NLRP6: variants seen among roughly 807,000 people sequenced by gnomAD.
The protein encoded by NLRP6 is NLR family pyrin domain containing 6, also known as NACHT, LRR and PYD domains-containing protein 6.
A neutral mutation model predicts 70.9 loss-of-function variants in NLRP6; 55 were observed. That is an observed-to-expected ratio of 0.78 (90% confidence interval 0.62 to 0.97). The LOEUF is 0.97. NLRP6 is among the 50% of genes least tolerant of loss of function. The pLI is 0.00. For synonymous variants in NLRP6, 652 were observed against 581.9 expected (o/e 1.12, Z -1.73); for missense variants, 1,241 against 1,238.3 (o/e 1.00, Z -0.03).
chr11:279,445 A>C lies in NLRP6; in HGVS notation c.148A>C (p.Ser50Arg). ...GCGCGACGTGGGCCCGGACGGACGC[A>C]GCATCCCGTGGGGGCGGCTGGAGCG... ...KLRDVGPDGR[S>R]IPWGRLERAD... The change falls in exon 2 of 8, where the codon AGC becomes CGC. Residue 50 changes from serine to arginine, a missense_variant. By Grantham distance (110) the Ser-to-Arg change is moderately radical. Coordinates refer to ENST00000534750, the MANE Select transcript of NLRP6 (RefSeq NM_001276700.2). 2 of 1,395,702 alleles carry C rather than the reference A, an allele frequency of 1.4e-6. No homozygotes were observed. The highest frequency in any genetic ancestry group is 1.9e-6 in the Non-Finnish European group (2 of 1,077,602). 86.5% of individuals were successfully genotyped at this position (1,395,702 alleles called of 1,614,324 possible).
intron 1 of NLRP6, 167 bp from the exon 2 acceptor site, chr11:279,160 G>A: frequency 1.8e-6 from 1 of 541,624 alleles, no homozygotes; most frequent in Non-Finnish European, 2.8e-6. Context: ...GGAAAAGTCT[G>A]GGGTCACTCC....
At chr11:284,715 TC>T (rs1031835810) in intron 7 of NLRP6, 73 bp downstream of exon 7, 97 of 1,426,568 alleles carry the variant, frequency 6.8e-5, no homozygotes, top group Non-Finnish European at 8.7e-5. Flanking sequence ...GCCTGGGGGC[TC>T]CCCCTGGACC....
rs148506980 is a variant in NLRP6, at chr11:284,296, C to A, written c.2265C>A (p.Pro755=). The A allele has an allele frequency of 2.8e-5, 45 of 1,612,618 alleles. No homozygotes were observed. Among genetic ancestry groups the A allele is most frequent in the Non-Finnish European group, 5.9e-6 (7 of 1,179,910 alleles). Residue 755 remains proline (P), a synonymous_variant, in exon 6 of 8, where the codon CCC becomes CCA. Coordinates refer to ENST00000534750, the MANE Select transcript of NLRP6 (RefSeq NM_001276700.2). The part of the protein sequence containing the change: ...RDLSEALRAA[P]ALTELGLLHN... ...TTTCTGAGGCCCTGAGGGCAGCCCCCGCACTGACGGAGCTGGGCCTCCTCC... is the reference window on the plus strand; with the variant it reads ...TTTCTGAGGCCCTGAGGGCAGCCCCAGCACTGACGGAGCTGGGCCTCCTCC...
intron 5 of NLRP6, among the ~76,000 whole-genome samples, chr11:283,917 T>C (rs1239602642): frequency 6.6e-6 from 1 of 151,278 alleles, no homozygotes; most frequent in African/African-American, 2.4e-5. Context: ...ACCCAACCAT[T>C]AGGGAATAGC....
intron 5 of NLRP6, among the ~76,000 whole-genome samples, chr11:283,300 C>T (rs1010018386): frequency 6.8e-6 from 1 of 147,852 alleles, no homozygotes; most frequent in African/African-American, 2.5e-5. Context: ...TGTGGCTACA[C>T]ATGTACAGTT....
Position 280,868 on chromosome 11 carries a change from C to G in NLRP6, c.1134C>G (p.Asn378Lys). 1 of 1,613,452 alleles carries G rather than the reference C, an allele frequency of 6.2e-7. No homozygotes were observed. Among genetic ancestry groups the G allele is most frequent in the African/African-American group, 1.3e-5 (1 of 75,070 alleles). ...AERAYRFVKE[N>K]ETLFALCFVP... The stretch of plus-strand genomic sequence containing the variant: ...GCGCCTACCGCTTCGTGAAGGAGAA[C>G]GAGACGCTGTTCGCGCTGTGCTTCG... The change falls in exon 4 of 8, where the codon AAC becomes AAG. Residue 378 changes from asparagine (N) to lysine (K), a missense_variant. Physicochemically the swap from Asn to Lys is moderately conservative, Grantham distance 94. Coordinates refer to ENST00000534750, the MANE Select transcript of NLRP6 (RefSeq NM_001276700.2).
chr11:279,296 TC>T, intron 1 of NLRP6, 30 bp from the exon 2 acceptor site: 3 of 1,134,418 alleles, frequency 2.6e-6, no homozygotes, highest in Non-Finnish European at 2.2e-6. Context: ...CGAGGGCCGC[TC>T]CCCGATGACC....
chr11:281,438 A>G lies in NLRP6; in HGVS notation c.1704A>G (p.Ser568=), dbSNP rs1459610943. Residue 568 remains serine, a synonymous_variant, in exon 4 of 8, where the codon TCA becomes TCG. Transcript: ENST00000534750. ...DIERHFGCMV[S]ERVKQEALRW... Reference sequence around the variant, plus strand: ...AGCGCCACTTCGGCTGCATGGTTTCAGAGCGTGTGAAGCAGGAGGCCCTGC... The same window carrying G: ...AGCGCCACTTCGGCTGCATGGTTTCGGAGCGTGTGAAGCAGGAGGCCCTGC... 1.2e-6 allele frequency: 2 copies of G among 1,604,730 alleles called. No homozygotes were observed. The highest frequency in any genetic ancestry group is 1.7e-6 in the Non-Finnish European group (2 of 1,175,212).
In NLRP6 at chr11:280,743, C is replaced by T. The variant is rs775919638; in HGVS notation, c.1009C>T (p.Arg337Cys). 6.2e-7 allele frequency: 1 copy of T among 1,602,312 alleles called. No individual in the cohort carries two copies. Among genetic ancestry groups the T allele is most frequent in the East Asian group, 2.2e-5 (1 of 44,854 alleles). ...CGCCGCCCCCGGGAGGCTGCAGGGC[C>T]GCCTGTGTTCCCCGCAGTGCGCCGA... is the stretch of plus-strand genomic sequence containing the variant. ...RAAAPGRLQGRLCSPQCAEVR... is the reference protein window; with the variant it reads ...RAAAPGRLQGCLCSPQCAEVR... The change falls in exon 4 of 8, where the codon CGC becomes TGC. Residue 337 changes from arginine (R) to cysteine (C), a missense_variant. Transcript: ENST00000534750.
intron 7 of NLRP6, 109 bp from the exon 8 acceptor site, chr11:285,057 G>A (rs919151360): frequency 1.2e-4 from 109 of 942,060 alleles, no homozygotes; most frequent in African/African-American, 2.5e-4. Flanking sequence ...CCACCCCCAC[G>A]GCACTGCCCG....
chr11:284,502 G>A lies in NLRP6; in HGVS notation c.2397G>A (p.Gly799=). 1 of 1,612,912 alleles carries A rather than the reference G, an allele frequency of 6.2e-7. No homozygotes were observed. The highest frequency in any genetic ancestry group is 8.5e-7 in the Non-Finnish European group (1 of 1,179,786). ...VRVQLPDPQR[G]LQYLVGMLRQ... is the part of the protein sequence containing the mutation. ...TACAGCTGCCTGACCCCCAGCGAGG[G>A]CTCCAGTACCTGGTGGGTATGCTTC... is the stretch of plus-strand genomic sequence containing the variant. Residue 799 remains glycine (G), a synonymous_variant, in exon 7 of 8, where the codon GGG becomes GGA. Transcript: ENST00000534750.
In NLRP6 at chr11:285,211, G is replaced by T; in HGVS notation, c.2583G>T (p.Gln861His). The T allele has an allele frequency of 6.3e-7, 1 of 1,599,528 alleles. No homozygotes were observed. The highest frequency in any genetic ancestry group is 8.5e-7 in the Non-Finnish European group (1 of 1,172,492). ...ELSEQSLQELQAVKRAKPDLV... is the reference protein window; with the variant it reads ...ELSEQSLQELHAVKRAKPDLV... ...GCGAGCAGTCACTACAGGAGCTTCA[G>T]GCTGTGAAGAGAGCAAAGCCGGATC... Residue 861 changes from glutamine (Q) to histidine (H), a missense_variant, in exon 8 of 8, where the codon CAG becomes CAT. Coordinates refer to ENST00000534750, the MANE Select transcript of NLRP6 (RefSeq NM_001276700.2).
chr11:279,393 G>A lies in NLRP6; in HGVS notation c.96G>A (p.Glu32=). Residue 32 remains glutamate, a synonymous_variant, in exon 2 of 8, where the codon GAG becomes GAA. Coordinates refer to ENST00000534750, the MANE Select transcript of NLRP6 (RefSeq NM_001276700.2). The part of the protein sequence containing the change: ...LLAALEELSQ[E]QLKRFRHKLR... ...CTGCGCTGGAGGAACTGAGCCAAGA[G>A]CAGCTGAAGCGCTTCCGCCACAAGC... 1 of 1,343,884 alleles carries A rather than the reference G, an allele frequency of 7.4e-7. No homozygotes were observed. The highest frequency in any genetic ancestry group is 9.5e-7 in the Non-Finnish European group (1 of 1,049,438). The allele number at this position is 1,343,884 out of a possible 1,614,324, so 83.2% of individuals were successfully genotyped here. A position where few individuals can be genotyped will look rare whatever the true frequency, so the allele number is the denominator to read the frequency against.
chr11:282,061 T>C (rs1024436746), intron 4 of NLRP6, among the ~76,000 whole-genome samples: 2 of 152,174 alleles, frequency 1.3e-5, no homozygotes, highest in Non-Finnish European at 2.9e-5. Context: ...CCACAACCTA[T>C]GAAAACTTCC....
intron 1 of NLRP6, 31 bp from the exon 2 acceptor site, chr11:279,296 T>A: frequency 1.8e-6 from 2 of 1,134,366 alleles, no homozygotes; most frequent in Non-Finnish European, 2.2e-6. Flanking sequence ...CGAGGGCCGC[T>A]CCCCGATGAC....
chr11:278,594 T>C lies in NLRP6; in HGVS notation c.25T>C (p.Ser9Pro). The C allele has an allele frequency of 1.3e-6, 2 of 1,590,466 alleles. No homozygotes were observed. The highest frequency in any genetic ancestry group is 8.6e-7 in the Non-Finnish European group (1 of 1,169,396). ...CATGGACCAGCCAGAGGCCCCCTGC[T>C]CCAGGTGAGTGCTGGCCCCAGGGTG... Reference protein sequence around the residue: MDQPEAPCSSTGPRLAVAR... With the variant: MDQPEAPCPSTGPRLAVAR... Residue 9 changes from serine to proline, a missense_variant, in exon 1 of 8, where the codon TCC (serine) becomes CCC (proline). Coordinates refer to ENST00000534750, the MANE Select transcript of NLRP6 (RefSeq NM_001276700.2). This position sits in a 1 kb window ranked among gnomAD's most constrained non-coding sequence, Gnocchi z 4.7.
At chr11:284,427 G>A in intron 6 of NLRP6, 27 bp downstream of exon 6, 1 of 1,601,512 alleles carries the variant, frequency 6.2e-7, no homozygotes, top group African/African-American at 1.3e-5. Flanking sequence ...GAGGGACCGT[G>A]GGATGCCCCC....
chr11:283,369 A>C (rs1845505892), intron 5 of NLRP6, among the ~76,000 whole-genome samples: 2 of 138,758 alleles, frequency 1.4e-5, no homozygotes, highest in African/African-American at 5.5e-5. Context: ...GCTGGAGTGC[A>C]GTGGTGTGAT....
At chr11:279,225 C>T in intron 1 of NLRP6, 102 bp from the exon 2 acceptor site, 2 of 1,032,320 alleles carry the variant, frequency 1.9e-6, no homozygotes, top group East Asian at 3.3e-5. Flanking sequence ...CCCGGGACTC[C>T]CTGAGGCCCT....
Sources: gnomAD v4.1 joint callset for allele counts (sites outside exome capture counted in the v4.1 genomes callset) on GRCh38, gnomAD v4.1.1 for gene constraint, Gnocchi (gnomAD v3.1) non-coding constraint, MANE v1.5 for transcripts, NCBI Gene and HGNC (gene_info 2026-07-23, HGNC 2026-07-21) for gene names.